Variants in RGSL1 observed in about 807,000 individuals in gnomAD.
The protein encoded by RGSL1 is regulator of G protein signaling like 1, also known as regulator of G protein signaling protein-like.
In RGSL1, 97 loss-of-function variants were observed where a neutral mutation model predicts 124.7. The ratio of observed to expected loss-of-function variants is 0.78; its 90% CI spans 0.66 to 0.92. The LOEUF is 0.92. RGSL1 is among the 40% of genes least tolerant of loss of function. The pLI is 0.00. For missense variants in RGSL1, 1,233 were observed against 1,288.4 expected, an observed-to-expected ratio of 0.96 and a Z score of 0.66; for synonymous variants, 424 against 438.1, an observed-to-expected ratio of 0.97 and a Z score of 0.40.
chr1:182,465,484 G>T (rs1415438677), intron 4 of RGSL1, among the ~76,000 whole-genome samples: 2 of 151,446 alleles, frequency 1.3e-5, no homozygotes. Flanking sequence ...GAGGGGCAGA[G>T]ATAGCATTAG....
chr1:182,453,973 C>T lies in RGSL1; in HGVS notation c.29C>T (p.Thr10Ile), dbSNP rs771829309. MSSAEIIGSTNLIILLEDEV... is the reference protein window; with the variant it reads MSSAEIIGSINLIILLEDEV... The stretch of plus-strand genomic sequence containing the variant: ...CTCCATATAGAGATAATTGGTTCTA[C>T]AAATCTTATAATTCTGCTAGAGGAT... Residue 10 changes from threonine (T) to isoleucine (I), a missense_variant, in exon 2 of 22, where the codon ACA becomes ATA. By Grantham distance (89) the Thr-to-Ile change is moderately conservative. Transcript: ENST00000294854. The T allele has an allele frequency of 1.2e-5, 18 of 1,522,984 alleles. No homozygotes were observed. Among genetic ancestry groups the T allele is most frequent in the Non-Finnish European group, 1.6e-5 (18 of 1,121,188 alleles). The allele number at this position is 1,522,984 out of a possible 1,614,324, so 94.3% of individuals were successfully genotyped here. A position where few individuals can be genotyped will look rare whatever the true frequency, so the allele number is the denominator to read the frequency against.
At position 182,527,782 on chromosome 1, in the gene RGSL1, C is replaced by T; in HGVS notation, c.2125+10C>T. The T allele has an allele frequency of 6.5e-7, 1 of 1,540,028 alleles. No individual in the cohort carries two copies. The highest frequency in any genetic ancestry group is 8.8e-7 in the Non-Finnish European group (1 of 1,140,078). On this transcript the variant is annotated intron_variant, in intron 11 of 21. Coordinates refer to ENST00000294854, the MANE Select transcript of RGSL1 (RefSeq NM_001137669.2). ...GGCCAACTCTCTCCTGGTATGCATC[C>T]TCTTCTGATCCTGTTTTCTCTCTCT...
intron 15 of RGSL1, among the ~76,000 whole-genome samples, chr1:182,541,264 T>C (rs1659875548): frequency 6.6e-6 from 1 of 152,072 alleles, no homozygotes; most frequent in Admixed American, 6.6e-5. Flanking sequence ...CCTTCCCAGC[T>C]TCTGGTAACT....
Position 182,554,694 on chromosome 1 carries a change from G to C in RGSL1, c.3197+1G>C. Reference sequence around the variant, plus strand: ...CCATGCAGCTGCATCCCGTCCAGGGGTAGGCATGAGCTGGAAATCCTCTTC... The same window carrying C: ...CCATGCAGCTGCATCCCGTCCAGGGCTAGGCATGAGCTGGAAATCCTCTTC... On this transcript the variant is annotated splice_donor_variant, in intron 20 of 21. Coordinates refer to ENST00000294854, the MANE Select transcript of RGSL1 (RefSeq NM_001137669.2). LOFTEE classifies it high-confidence loss of function. 1 of 1,551,620 alleles carries C rather than the reference G, an allele frequency of 6.4e-7. No individual in the cohort carries two copies. The highest frequency in any genetic ancestry group is 8.7e-7 in the Non-Finnish European group (1 of 1,146,944).
chr1:182,553,365 TAAAC>T, intron 18 of RGSL1, 86 bp from the exon 19 acceptor site: 1 of 942,992 alleles, frequency 1.1e-6, no homozygotes, highest in South Asian at 1.5e-5. Context: ...CTAAGTGTGT[TAAAC>T]AAGAGCTTTA....
At position 182,459,182 on chromosome 1, in the gene RGSL1, C is replaced by T. The variant is rs1211616494; in HGVS notation, c.171+789C>T. Among the ~76,000 whole-genome samples, 3 of 152,332 alleles carry T rather than the reference C, an allele frequency of 2.0e-5. No individual in the cohort carries two copies. The East Asian group carries it at 5.8e-4, about 29-fold the overall frequency. ...TACATCAAGATAAGATGCTTCTCTG[C>T]AATTTCTAGTGACTACTCCACTATT... On this transcript the variant is annotated intron_variant, in intron 3 of 21. Transcript: ENST00000294854.
intron 6 of RGSL1, among the ~76,000 whole-genome samples, chr1:182,478,876 G>C (rs1038430020): frequency 6.6e-6 from 1 of 152,154 alleles, no homozygotes; most frequent in Admixed American, 6.5e-5. Flanking sequence ...GGCTCAAAAA[G>C]GCTATCAGCA....
intron 10 of RGSL1, among the ~76,000 whole-genome samples, chr1:182,522,620 C>A (rs922955501): frequency 4.6e-5 from 7 of 152,162 alleles, no homozygotes; most frequent in Non-Finnish European, 1.0e-4. Context: ...GTGGCCTTTT[C>A]TTTCAGGAGT....
chr1:182,490,551 A>G (rs184521282), intron 8 of RGSL1, among the ~76,000 whole-genome samples: 5 of 152,180 alleles, frequency 3.3e-5, no homozygotes, highest in African/African-American at 4.8e-5. Flanking sequence ...TTTTTTAACC[A>G]TAGAGATTCC....
chr1:182,527,434 G>A (rs1658830560), intron 10 of RGSL1, 145 bp from the exon 11 acceptor site: 1 of 641,888 alleles, frequency 1.6e-6, no homozygotes, highest in Non-Finnish European at 2.7e-6. Context: ...GAAATAGACA[G>A]ATTTAGCCAA....
chr1:182,488,196 C>T (rs1256449525), intron 6 of RGSL1, 89 bp from the exon 7 acceptor site: 6 of 1,277,080 alleles, frequency 4.7e-6, no homozygotes, highest in Non-Finnish European at 5.5e-6. Flanking sequence ...GAATCTTCAG[C>T]CTACTCTGCT....
At chr1:182,477,587 A>G (rs938894553) in intron 6 of RGSL1, among the ~76,000 whole-genome samples, 25 of 152,284 alleles carry the variant, frequency 1.6e-4, no homozygotes, top group East Asian at 1.2e-3. Context: ...GACTGCTAGC[A>G]GCCTCAGTTT....
intron 9 of RGSL1, among the ~76,000 whole-genome samples, chr1:182,518,780 C>T (rs1238753538): frequency 6.6e-6 from 1 of 152,014 alleles, no homozygotes; most frequent in East Asian, 1.9e-4. Context: ...AGTTTTTTCA[C>T]TTCTCTGCAT....
At chr1:182,502,610 G>C (rs266500) in intron 9 of RGSL1, among the ~76,000 whole-genome samples, 151,491 of 152,274 alleles carry the variant, frequency 0.99, 75,362 homozygotes, top group Non-Finnish European at 1. Context: ...TTAGCATGCT[G>C]TTCTTTATCT....
intron 4 of RGSL1, among the ~76,000 whole-genome samples, chr1:182,460,931 C>T (rs1466928238): frequency 1.3e-5 from 2 of 152,194 alleles, no homozygotes; most frequent in African/African-American, 4.8e-5. Context: ...GGGCAGCTTA[C>T]AGGAGCCAGG....
Position 182,540,673 on chromosome 1 carries a change from G to A in RGSL1, c.2669+252G>A, listed in dbSNP as rs371672145. ...ATGCAGTTACTTAGTCCCAGAAAAG[G>A]GAGCATGTTTTTCTCCATTATTTAC... On this transcript the variant is annotated intron_variant, in intron 15 of 21. Transcript: ENST00000294854. 7.2e-5 allele frequency among the ~76,000 whole-genome samples: 11 copies of A among 152,202 alleles called. No homozygotes were observed. In the East Asian group the frequency reaches 1.5e-3, roughly 21 times the overall value.
In RGSL1 at chr1:182,522,999, G is replaced by T. The variant is rs141026900; in HGVS notation, c.1931+890G>T. ...CAAAATCTCTGGCAGAATATTTTGC[G>T]TAGAAAAAACTCCCACAAAACATTT... On this transcript the variant is annotated intron_variant, in intron 10 of 21. Transcript: ENST00000294854. 7.5e-3 allele frequency among the ~76,000 whole-genome samples: 1,131 copies of T among 151,154 alleles called. 15 individuals carry two copies. The highest frequency in any genetic ancestry group is 0.031 in the Middle Eastern group (9 of 294).
intron 9 of RGSL1, among the ~76,000 whole-genome samples, chr1:182,499,349 G>A (rs191313158): frequency 4.7e-4 from 71 of 152,296 alleles, no homozygotes; most frequent in African/African-American, 1.7e-3. Context: ...ATGATCCTGG[G>A]AGCTCCTGTA....
chr1:182,448,904 G>A (rs535308776), upstream of RGSL1, among the ~76,000 whole-genome samples: 1 of 152,166 alleles, frequency 6.6e-6, no homozygotes, highest in Non-Finnish European at 1.5e-5. Flanking sequence ...GGACTCAAGG[G>A]TAGGTGCACA....
Sources: gnomAD v4.1 joint callset for allele counts (sites outside exome capture counted in the v4.1 genomes callset) on GRCh38, gnomAD v4.1.1 for gene constraint, MANE v1.5 for transcripts, NCBI Gene and HGNC (gene_info 2026-07-23, HGNC 2026-07-21) for gene names.